The following HOGA1 variants were observed in gnomAD, a reference collection of about 807,000 sequenced individuals.
The protein encoded by HOGA1 is 4-hydroxy-2-oxoglutarate aldolase 1, also known as 4-hydroxy-2-oxoglutarate aldolase, mitochondrial.
HOGA1 carries 30 observed loss-of-function variants against 34.3 expected under a neutral mutation model. The ratio of observed to expected loss-of-function variants is 0.87; its 90% CI spans 0.65 to 1.19. The LOEUF (loss-of-function observed/expected upper bound fraction) is 1.19, where lower values mean the gene tolerates loss of function less well. Among genes scored for constraint, HOGA1 ranks in the 50% most tolerant of loss-of-function variants. The pLI is 0.00. For missense variants in HOGA1, 417 were observed against 436.5 expected, an observed-to-expected ratio of 0.96 and a Z score of 0.40; for synonymous variants, 161 against 174.0, an observed-to-expected ratio of 0.93 and a Z score of 0.59.
intron 6 of HOGA1, among the ~76,000 whole-genome samples, chr10:97,606,067 G>A (rs1472333676): frequency 2.7e-5 from 4 of 147,742 alleles, no homozygotes; most frequent in Non-Finnish European, 5.9e-5. Context: ...GGTGGATCAC[G>A]AGGTCAGGAG....
chr10:97,595,344 T>C (rs1430711218), intron 1 of HOGA1, among the ~76,000 whole-genome samples: 1 of 152,216 alleles, frequency 6.6e-6, no homozygotes, highest in Non-Finnish European at 1.5e-5. Context: ...TAACACTTAT[T>C]GAGCACCAGG....
At chr10:97,588,491 A>G (rs1207864107) in intron 1 of HOGA1, among the ~76,000 whole-genome samples, 1 of 152,216 alleles carries the variant, frequency 6.6e-6, no homozygotes, top group Non-Finnish European at 1.5e-5. Context: ...TACAGGCGTG[A>G]GCCACAGCGC....
intron 5 of HOGA1, 65 bp downstream of exon 5, chr10:97,600,228 C>T: frequency 7.5e-7 from 1 of 1,341,892 alleles, no homozygotes; most frequent in Non-Finnish European, 1.1e-6. Context: ...CCTGGGTCTT[C>T]CGGGAGAGAT....
At chr10:97,585,390 G>A (rs991345775) in intron 1 of HOGA1, among the ~76,000 whole-genome samples, 10 of 152,122 alleles carry the variant, frequency 6.6e-5, no homozygotes, top group African/African-American at 9.7e-5. Context: ...TGTGACTCCT[G>A]TTGTGGCTCC....
At chr10:97,599,376 T>G (rs2041098191) in intron 3 of HOGA1, 160 bp downstream of exon 3, 1 of 819,238 alleles carries the variant, frequency 1.2e-6, no homozygotes, top group Non-Finnish European at 2.0e-6. Context: ...ACCTGACCAC[T>G]CTGTGTTACT....
chr10:97,594,500 G>T (rs907868854), intron 1 of HOGA1, among the ~76,000 whole-genome samples: 1 of 151,938 alleles, frequency 6.6e-6, no homozygotes, highest in Non-Finnish European at 1.5e-5. Flanking sequence ...GATTACAGGT[G>T]CCTGCCACCA....
At chr10:97,589,732 G>C in intron 1 of HOGA1, 1 of 643,106 alleles carries the variant, frequency 1.6e-6, no homozygotes, top group Non-Finnish European at 2.7e-6. Flanking sequence ...GACATCCTTG[G>C]GGAGCCTGCC....
chr10:97,605,987 A>G (rs1328582850), intron 6 of HOGA1, among the ~76,000 whole-genome samples: 3 of 152,066 alleles, frequency 2.0e-5, no homozygotes, highest in Non-Finnish European at 4.4e-5. Flanking sequence ...TGTCAAGTCT[A>G]ATAACTCTTA....
At chr10:97,594,632 T>C (rs1452513219) in intron 1 of HOGA1, among the ~76,000 whole-genome samples, 1 of 151,826 alleles carries the variant, frequency 6.6e-6, no homozygotes, top group Admixed American at 6.6e-5. Flanking sequence ...GGATCACAAG[T>C]GTGAACCATT....
intron 1 of HOGA1, among the ~76,000 whole-genome samples, chr10:97,589,087 G>C (rs765909531): frequency 6.6e-6 from 1 of 152,050 alleles, no homozygotes; most frequent in Non-Finnish European, 1.5e-5. Context: ...TCCCGGAGTG[G>C]CCCCAGGGAT....
At chr10:97,588,199 CT>C (rs1221596544) in intron 1 of HOGA1, among the ~76,000 whole-genome samples, 24,774 of 96,942 alleles carry the variant, frequency 0.26, 1,645 homozygotes, top group South Asian at 0.39. Context: ...TTTTTTCTTT[CT>C]TTTTTTTTTT....
chr10:97,588,668 C>T (rs780250676), intron 1 of HOGA1, among the ~76,000 whole-genome samples: 9 of 152,210 alleles, frequency 5.9e-5, no homozygotes, highest in Non-Finnish European at 1.3e-4. Flanking sequence ...ACTAGTCCAG[C>T]AGGACTGGGA....
At position 97,599,069 on chromosome 10, in the gene HOGA1, C is replaced by G; in HGVS notation, c.341-20C>G. 6.2e-7 allele frequency: 1 copy of G among 1,611,662 alleles called. No homozygotes were observed. The highest frequency in any genetic ancestry group is 1.1e-5 in the South Asian group (1 of 91,042). ...CAGGCCTCCTTCTGCCTGCTCTCAC[C>G]TCTCTCCTTCCTCTGGCAGCCACTC... On this transcript the variant is annotated intron_variant, in intron 2 of 6. Transcript: ENST00000370646.
At position 97,612,686 on chromosome 10, in the gene HOGA1, G is replaced by C. The variant is rs569764121; in HGVS notation, c.*1027G>C. On this transcript the variant is annotated 3_prime_UTR_variant, in exon 7 of 7. Coordinates refer to ENST00000370646, the MANE Select transcript of HOGA1 (RefSeq NM_138413.4). The stretch of plus-strand genomic sequence containing the variant: ...TAGAAGACTATTCTGGTCAGCCTAG[G>C]TCTGAAACACTAAGGAGACTTGGCC... 1 of 152,332 alleles carries C rather than the reference G, an allele frequency of 6.6e-6. No individual in the cohort carries two copies. The highest frequency in any genetic ancestry group is 2.1e-4 in the South Asian group (1 of 4,828). 9.4% of individuals were successfully genotyped at this position (152,332 alleles called of 1,614,324 possible).
At chr10:97,593,994 G>C (rs369517828) in intron 1 of HOGA1, among the ~76,000 whole-genome samples, 1 of 151,798 alleles carries the variant, frequency 6.6e-6, no homozygotes, top group African/African-American at 2.4e-5. Flanking sequence ...TCAGCCTCCC[G>C]AATAGCTGGG....
intron 6 of HOGA1, among the ~76,000 whole-genome samples, chr10:97,607,036 G>C (rs753402270): frequency 1.3e-5 from 2 of 150,808 alleles, no homozygotes; most frequent in African/African-American, 2.4e-5. Context: ...TTTGGAGATA[G>C]AGACGGCAGT....
intron 6 of HOGA1, among the ~76,000 whole-genome samples, chr10:97,608,459 T>G (rs2041172231): frequency 6.6e-6 from 1 of 152,184 alleles, no homozygotes; most frequent in South Asian, 2.1e-4. Context: ...TTTCATTCAT[T>G]GTGGATATTT....
At chr10:97,590,144 G>T (rs201569136) in intron 1 of HOGA1, 12 of 1,614,106 alleles carry the variant, frequency 7.4e-6, no homozygotes, top group Non-Finnish European at 9.3e-6. Flanking sequence ...CACGAGGCAC[G>T]GAGAAGTGGG....
intron 6 of HOGA1, among the ~76,000 whole-genome samples, chr10:97,607,029 G>C (rs1488007742): frequency 1.3e-5 from 2 of 151,128 alleles, no homozygotes; most frequent in Non-Finnish European, 2.9e-5. Flanking sequence ...TAGCATTTTT[G>C]GAGATAGAGA....
Sources: allele counts gnomAD v4.1 joint callset (sites outside exome capture counted in the v4.1 genomes callset), GRCh38; gene constraint gnomAD v4.1.1; transcripts MANE v1.5; gene names NCBI Gene and HGNC (gene_info 2026-07-23, HGNC 2026-07-21).